Variants in DYNC1H1 observed in about 807,000 individuals in gnomAD.
DYNC1H1 encodes the protein dynein cytoplasmic 1 heavy chain 1.
DYNC1H1 carries 51 observed loss-of-function variants against 527.1 expected under a neutral mutation model. That is an observed-to-expected ratio of 0.10 (90% CI 0.08 to 0.12). DYNC1H1 has a LOEUF of 0.12. Among genes scored for constraint, DYNC1H1 ranks in the 10% least tolerant of loss-of-function variants. DYNC1H1 has a pLI of 1.00. For synonymous variants in DYNC1H1, 2,189 were observed against 2,278.8 expected (o/e 0.96, Z 1.12); for missense variants, 2,771 against 5,971.8 (o/e 0.46, Z 17.66).
rs182249651 is a variant in DYNC1H1 at position 102,017,540 on chromosome 14, C to T, written c.8177+36C>T. The T allele has an allele frequency of 6.8e-5, 109 of 1,609,872 alleles. No individual in the cohort carries two copies. The highest frequency in any genetic ancestry group is 4.5e-4 in the East Asian group (20 of 44,568). ...TCGGTAGACTGCTCTGCTTCACACA[C>T]GCACAGCTCCAGGATTGCTGTAAAC... On this transcript the variant is annotated intron_variant, in intron 40 of 77. Transcript: ENST00000360184. The surrounding 1 kb of genome is among the most constrained non-coding windows in gnomAD (Gnocchi z 4.6).
chr14:102,050,730 C>A lies in DYNC1H1; in HGVS notation c.*167C>A. On this transcript the variant is annotated 3_prime_UTR_variant, in exon 78 of 78. Coordinates refer to ENST00000360184, the MANE Select transcript of DYNC1H1 (RefSeq NM_001376.5). Reference sequence around the variant, plus strand: ...GGGAGTGGTGGAAATTGGAAGGATACCAGGAGGTATTTGGGAAGGCCAATG... The same window carrying A: ...GGGAGTGGTGGAAATTGGAAGGATAACAGGAGGTATTTGGGAAGGCCAATG... 1 of 1,124,690 alleles carries A rather than the reference C, an allele frequency of 8.9e-7. No homozygotes were observed. The highest frequency in any genetic ancestry group is 1.3e-6 in the Non-Finnish European group (1 of 777,702). 69.7% of individuals were successfully genotyped at this position (1,124,690 alleles called of 1,614,324 possible). A position where few individuals can be genotyped will look rare whatever the true frequency, so the allele number is the denominator to read the frequency against.
Position 101,985,849 on chromosome 14 carries a change from G to C in DYNC1H1, c.1624G>C (p.Gly542Arg). ...GGATGGACTGGATGTTTCCAAAGAG[G>C]GCACGGAAGCCTGGGAGGCTGCTAT... The part of the protein sequence containing the change: ...EVDGLDVSKE[G>R]TEAWEAAMKR... The change falls in exon 8 of 78, where the codon GGC (glycine) becomes CGC (arginine). Residue 542 changes from glycine to arginine, a missense_variant. Coordinates refer to ENST00000360184, the MANE Select transcript of DYNC1H1 (RefSeq NM_001376.5). The surrounding 1 kb of genome is among the most constrained non-coding windows in gnomAD (Gnocchi z 5.9). The C allele has an allele frequency of 6.2e-7, 1 of 1,614,136 alleles. No homozygotes were observed. Among genetic ancestry groups the C allele is most frequent in the Non-Finnish European group, 8.5e-7 (1 of 1,180,024 alleles).
chr14:102,040,818 G>A (rs1355098978), intron 64 of DYNC1H1, 145 bp downstream of exon 64: 24 of 940,356 alleles, frequency 2.6e-5, no homozygotes, highest in Non-Finnish European at 4.0e-5. Context: ...CCTTAGCCAG[G>A]CGTGGCGGTG....
At position 102,055,331 on chromosome 14, in the gene DYNC1H1, C is replaced by G. The variant is rs941488594; in HGVS notation, c.*4768C>G. ...GCTGGGAACACCGAGACCGAGAGCG[C>G]GTGGCTGTGTCTACAAAGGCCTCCT... is the stretch of plus-strand genomic sequence containing the variant. On this transcript the variant is annotated 3_prime_UTR_variant, in exon 78 of 78. Coordinates refer to ENST00000360184, the MANE Select transcript of DYNC1H1 (RefSeq NM_001376.5). 4 of 152,210 alleles carry G rather than the reference C, an allele frequency of 2.6e-5. No homozygotes were observed. Among genetic ancestry groups the G allele is most frequent in the Non-Finnish European group, 5.9e-5 (4 of 68,124 alleles). The allele number at this position is 152,210 out of a possible 1,614,324, so 9.4% of individuals were successfully genotyped here.
rs2048146556 is a variant in DYNC1H1 at position 102,002,749 on chromosome 14, T to A, written c.4710-43T>A. ...GCCAAATTTGCCAGCGGCTAGTGACTACTCTACACAAAGGCTGACGCATGT... is the reference window on the plus strand; with the variant it reads ...GCCAAATTTGCCAGCGGCTAGTGACAACTCTACACAAAGGCTGACGCATGT... On this transcript the variant is annotated intron_variant, in intron 22 of 77. Transcript: ENST00000360184. The surrounding 1 kb of genome is among the most constrained non-coding windows in gnomAD (Gnocchi z 4.4). The A allele has an allele frequency of 6.2e-7, 1 of 1,614,088 alleles. No homozygotes were observed. The highest frequency in any genetic ancestry group is 1.3e-5 in the African/African-American group (1 of 74,938).
Position 102,010,684 on chromosome 14 carries a change from A to G in DYNC1H1, c.6406-56A>G, listed in dbSNP as rs1290485762. On this transcript the variant is annotated intron_variant, in intron 31 of 77. Transcript: ENST00000360184. The surrounding 1 kb of genome is among the most constrained non-coding windows in gnomAD (Gnocchi z 6.0). ...CTGATCACGCACCTCCTGGGGATGC[A>G]GCGGGCAGTACTTGAGCCATGCTGC... is the stretch of plus-strand genomic sequence containing the variant. The G allele has an allele frequency of 2.5e-6, 4 of 1,604,682 alleles. No individual in the cohort carries two copies. Among genetic ancestry groups the G allele is most frequent in the Admixed American group, 1.7e-5 (1 of 59,964 alleles).
In DYNC1H1 at chr14:102,053,487, T is replaced by TG. The variant is rs1234137248; in HGVS notation, c.*2925dup. On this transcript the variant is annotated 3_prime_UTR_variant, in exon 78 of 78. Transcript: ENST00000360184. ...TTTAAAAAACTGAGTCTCGCACTGT[T>TG]GTCCAGGCTGGAGTGCAGTGGCGCG... The TG allele has an allele frequency of 6.7e-6, 1 of 150,258 alleles. No homozygotes were observed. Among genetic ancestry groups the TG allele is most frequent in the Non-Finnish European group, 1.5e-5 (1 of 67,662 alleles). 9.3% of individuals were successfully genotyped at this position (150,258 alleles called of 1,614,324 possible).
chr14:102,000,246 C>CT (rs777401710), intron 17 of DYNC1H1, 40 bp from the exon 18 acceptor site: 1 of 1,614,132 alleles, frequency 6.2e-7, no homozygotes, highest in Non-Finnish European at 8.5e-7. Flanking sequence ...GGGGTGATTT[C>CT]TATTTCCAAA....
In DYNC1H1 at chr14:101,997,339, T is replaced by C. The variant is rs1430599337; in HGVS notation, c.3804+65T>C. 2 of 1,611,284 alleles carry C rather than the reference T, an allele frequency of 1.2e-6. No homozygotes were observed. Among genetic ancestry groups the C allele is most frequent in the African/African-American group, 1.3e-5 (1 of 74,914 alleles). On this transcript the variant is annotated intron_variant, in intron 16 of 77. Transcript: ENST00000360184. This position sits in a 1 kb window ranked among gnomAD's most constrained non-coding sequence, Gnocchi z 4.8. ...CAGCAGTGTGATTTGGTGACTTTCT[T>C]TCAAGCCTAAAAGGCCTTGCTGTGA...
In DYNC1H1 at chr14:102,008,217, G is replaced by T. The variant is rs1320583631; in HGVS notation, c.5857G>T (p.Ala1953Ser). The change falls in exon 29 of 78, where the codon GCC (alanine) becomes TCC (serine). Residue 1953 changes from alanine to serine, a missense_variant. Ala to Ser is a moderately conservative substitution (Grantham distance 99). Coordinates refer to ENST00000360184, the MANE Select transcript of DYNC1H1 (RefSeq NM_001376.5). Reference protein sequence around the residue: ...RIFVGLCQVGAWGCFDEFNRL... With the variant: ...RIFVGLCQVGSWGCFDEFNRL... The stretch of plus-strand genomic sequence containing the variant: ...CTTTGTGGGCCTTTGCCAGGTGGGT[G>T]CCTGGGGCTGCTTTGACGAGTTCAA... The T allele has an allele frequency of 6.2e-7, 1 of 1,614,180 alleles. No homozygotes were observed. The highest frequency in any genetic ancestry group is 8.5e-7 in the Non-Finnish European group (1 of 1,180,032).
chr14:102,040,875 CTT>C (rs1488897024), intron 64 of DYNC1H1: 1 of 647,606 alleles, frequency 1.5e-6, no homozygotes, highest in African/African-American at 1.8e-5. Context: ...AGGAAGGTCA[CTT>C]GAGCCTGGGA....
chr14:101,988,980 G>C, intron 10 of DYNC1H1, 128 bp downstream of exon 10: 2 of 1,305,534 alleles, frequency 1.5e-6, no homozygotes, highest in Admixed American at 2.0e-5. Context: ...GGTGATGAAG[G>C]TCAGCCTCAC....
At chr14:101,984,481 G>A (rs1336850448) in intron 7 of DYNC1H1, among the ~76,000 whole-genome samples, 1 of 106,778 alleles carries the variant, frequency 9.4e-6, no homozygotes, top group Non-Finnish European at 1.8e-5. Context: ...TTGAGACTGA[G>A]TCTCAGTCTG....
At position 102,016,994 on chromosome 14, in the gene DYNC1H1, A is replaced by C. The variant is rs1207825074; in HGVS notation, c.7843A>C (p.Met2615Leu). The change falls in exon 38 of 78, where the codon ATG becomes CTG. Residue 2615 changes from methionine to leucine, a missense_variant. Met to Leu is a conservative substitution (Grantham distance 15). Transcript: ENST00000360184. This position sits in a 1 kb window ranked among gnomAD's most constrained non-coding sequence, Gnocchi z 7.3. ...LFSALRALPD[M>L]EVVGLNFSSA... ...CAGCGCCCTCCGGGCCTTGCCTGACATGGAGGTAAAGAGGCCAGGAGGTGG... is the reference window on the plus strand; with the variant it reads ...CAGCGCCCTCCGGGCCTTGCCTGACCTGGAGGTAAAGAGGCCAGGAGGTGG... The C allele has an allele frequency of 1.9e-6, 3 of 1,614,238 alleles. No individual in the cohort carries two copies. Among genetic ancestry groups the C allele is most frequent in the Admixed American group, 3.3e-5 (2 of 60,026 alleles).
intron 1 of DYNC1H1, among the ~76,000 whole-genome samples, chr14:101,975,423 C>T (rs2047789611): frequency 6.6e-6 from 1 of 152,190 alleles, no homozygotes; most frequent in African/African-American, 2.4e-5. Flanking sequence ...CTAGCACTGC[C>T]CACCGCCAGG....
chr14:102,037,839 A>C (rs571770076), intron 57 of DYNC1H1: 1 of 153,888 alleles, frequency 6.5e-6, no homozygotes, highest in African/African-American at 2.4e-5. Flanking sequence ...AATGGAAAAA[A>C]ATTTTTAAGA....
rs1220957961 is a variant in DYNC1H1 at position 102,015,733 on chromosome 14, T to C, written c.7243-123T>C. On this transcript the variant is annotated intron_variant, in intron 35 of 77. Transcript: ENST00000360184. The surrounding 1 kb of genome is among the most constrained non-coding windows in gnomAD (Gnocchi z 6.9). Reference sequence around the variant, plus strand: ...AGGGTGAAGGAATGAGGACTGGTCATTGAAGCTTCATCCAAAATGAGTTTT... The same window carrying C: ...AGGGTGAAGGAATGAGGACTGGTCACTGAAGCTTCATCCAAAATGAGTTTT... 9 of 1,109,664 alleles carry C rather than the reference T, an allele frequency of 8.1e-6. No individual in the cohort carries two copies. The highest frequency in any genetic ancestry group is 1.9e-4 in the Middle Eastern group (1 of 5,150). 68.7% of individuals were successfully genotyped at this position (1,109,664 alleles called of 1,614,324 possible). A position where few individuals can be genotyped will look rare whatever the true frequency, so the allele number is the denominator to read the frequency against.
chr14:102,007,540 T>G (rs1383274383), intron 28 of DYNC1H1, among the ~76,000 whole-genome samples: 1 of 152,192 alleles, frequency 6.6e-6, no homozygotes, highest in African/African-American at 2.4e-5. Context: ...CTGTTGTTCA[T>G]GAAGTAACTG....
At chr14:101,998,248 C>A (rs2048087064) in intron 16 of DYNC1H1, among the ~76,000 whole-genome samples, 1 of 149,854 alleles carries the variant, frequency 6.7e-6, no homozygotes. Context: ...AATACAAACG[C>A]CTGGACCCCT....
Sources: allele counts gnomAD v4.1 joint callset (sites outside exome capture counted in the v4.1 genomes callset), GRCh38; gene constraint gnomAD v4.1.1; non-coding constraint Gnocchi (gnomAD v3.1); transcripts MANE v1.5; gene names NCBI Gene and HGNC (gene_info 2026-07-23, HGNC 2026-07-21).